The following LRRC4C variants were observed in gnomAD, a reference collection of about 807,000 sequenced individuals.
LRRC4C encodes the protein leucine-rich repeat-containing protein 4C.
In LRRC4C, 5 loss-of-function variants were observed where a neutral mutation model predicts 33.6. The observed-to-expected ratio is 0.15, with a 90% CI of 0.08 to 0.31. The LOEUF (loss-of-function observed/expected upper bound fraction) is 0.31, where lower values mean the gene tolerates loss of function less well. LRRC4C is among the 10% of genes least tolerant of loss of function. The probability of loss-of-function intolerance (pLI) is 1.00; values close to 1 mark genes in which losing one functional copy is unlikely to be tolerated. For missense variants in LRRC4C, 560 were observed against 796.7 expected, an observed-to-expected ratio of 0.70 and a Z score of 3.58; for synonymous variants, 329 against 302.0, an observed-to-expected ratio of 1.09 and a Z score of -0.93.
intron 1 of LRRC4C, among the ~76,000 whole-genome samples, chr11:41,265,385 T>G (rs1249597127): frequency 6.6e-6 from 1 of 152,064 alleles, no homozygotes; most frequent in Non-Finnish European, 1.5e-5. Flanking sequence ...TGGTGGCTGA[T>G]TGGTAAGATT....
intron 3 of LRRC4C, among the ~76,000 whole-genome samples, chr11:40,384,448 A>G (rs1175353235): frequency 1.3e-5 from 2 of 152,182 alleles, no homozygotes; most frequent in African/African-American, 2.4e-5. Flanking sequence ...TATTAACTCT[A>G]TTATATAGGT....
intron 1 of LRRC4C, among the ~76,000 whole-genome samples, chr11:40,975,346 T>C (rs1282039399): frequency 6.6e-6 from 1 of 152,216 alleles, no homozygotes; most frequent in South Asian, 2.1e-4. Flanking sequence ...ATTATCTAAC[T>C]ACTTATGGAT....
rs73475961 is a variant in LRRC4C at position 41,457,373 on chromosome 11, G to C, written c.-496+2058C>G. On this transcript the variant is annotated intron_variant, in intron 1 of 6. Transcript: ENST00000528697. ...CTGGGACTAGTTGCCAAAAGAAACA[G>C]GTTAATAAAGGGCTGACCAACTTAA... is the stretch of plus-strand genomic sequence containing the variant. 4.1e-3 allele frequency among the ~76,000 whole-genome samples: 626 copies of C among 152,210 alleles called. 3 individuals carry two copies. The highest frequency in any genetic ancestry group is 0.014 in the African/African-American group (596 of 41,562).
chr11:40,889,184 G>T (rs551861008), intron 2 of LRRC4C, among the ~76,000 whole-genome samples: 20 of 152,142 alleles, frequency 1.3e-4, no homozygotes, highest in African/African-American at 4.8e-4. Context: ...AGTTAGATAT[G>T]TTCAGGAATA....
chr11:41,436,127 C>A (rs1323931335), intron 1 of LRRC4C, among the ~76,000 whole-genome samples: 3 of 152,126 alleles, frequency 2.0e-5, no homozygotes, highest in Admixed American at 2.0e-4. Context: ...TGGCTTGAAC[C>A]CAGGAGGTGG....
rs534384317 is a variant in LRRC4C, at chr11:40,225,743, A to G, written c.-96+15776T>C. On this transcript the variant is annotated intron_variant, in intron 5 of 6. Coordinates refer to ENST00000528697, the MANE Select transcript of LRRC4C (RefSeq NM_001258419.2). ...GCAATTCTCCTGCCTCAGCCTCCCA[A>G]GTAGCTGGGATTATAGGTGCCCACC... 1.4e-3 allele frequency among the ~76,000 whole-genome samples: 213 copies of G among 151,960 alleles called. 2 individuals are homozygous for G. Among genetic ancestry groups the G allele is most frequent in the African/African-American group, 4.9e-3 (204 of 41,424 alleles).
At chr11:40,236,508 C>G (rs1865568997) in intron 5 of LRRC4C, among the ~76,000 whole-genome samples, 1 of 152,152 alleles carries the variant, frequency 6.6e-6, no homozygotes, top group Non-Finnish European at 1.5e-5. Context: ...CCTATACATT[C>G]CAGCACCCTC....
At chr11:40,402,438 C>A (rs1352495932) in intron 3 of LRRC4C, among the ~76,000 whole-genome samples, 1 of 152,102 alleles carries the variant, frequency 6.6e-6, no homozygotes, top group African/African-American at 2.4e-5. Flanking sequence ...AACTAAGACT[C>A]ATGACTACAG....
chr11:40,872,047 G>T (rs1454313417), intron 2 of LRRC4C, among the ~76,000 whole-genome samples: 1 of 152,152 alleles, frequency 6.6e-6, no homozygotes, highest in African/African-American at 2.4e-5. Context: ...CTGGACATGG[G>T]TGAGATAAGA....
At chr11:41,434,310 C>G (rs991501694) in intron 1 of LRRC4C, among the ~76,000 whole-genome samples, 1 of 152,016 alleles carries the variant, frequency 6.6e-6, no homozygotes, top group African/African-American at 2.4e-5. Context: ...CTGGGAATCT[C>G]TTTTTTTAAT....
chr11:40,659,693 C>T (rs928986854), intron 2 of LRRC4C, among the ~76,000 whole-genome samples: 1 of 152,156 alleles, frequency 6.6e-6, no homozygotes, highest in South Asian at 2.1e-4. Flanking sequence ...CACTACAGCT[C>T]TCCTCTCCAT....
At chr11:41,318,224 T>C (rs1950852823) in intron 1 of LRRC4C, among the ~76,000 whole-genome samples, 1 of 152,184 alleles carries the variant, frequency 6.6e-6, no homozygotes, top group African/African-American at 2.4e-5. Flanking sequence ...ATGTTTACAG[T>C]AGATATTTTT....
chr11:40,450,361 C>T (rs192854734), intron 3 of LRRC4C, among the ~76,000 whole-genome samples: 1 of 152,104 alleles, frequency 6.6e-6, no homozygotes, highest in East Asian at 1.9e-4. Context: ...CCTTCTAGAA[C>T]AGTAGGAGAA....
At chr11:40,980,010 G>A (rs1364824839) in intron 1 of LRRC4C, among the ~76,000 whole-genome samples, 1 of 152,042 alleles carries the variant, frequency 6.6e-6, no homozygotes, top group Non-Finnish European at 1.5e-5. Context: ...TAAATATCTC[G>A]ATCACAAAAG....
At chr11:40,877,653 C>T (rs775318849) in intron 2 of LRRC4C, among the ~76,000 whole-genome samples, 16 of 152,150 alleles carry the variant, frequency 1.1e-4, no homozygotes, top group Non-Finnish European at 2.1e-4. Flanking sequence ...CCGTAAAGGG[C>T]TTCTTAGATT....
At chr11:40,782,445 C>CT (rs201812921) in intron 2 of LRRC4C, among the ~76,000 whole-genome samples, 18,642 of 146,326 alleles carry the variant, frequency 0.13, 1,269 homozygotes, top group East Asian at 0.2. Flanking sequence ...TAATTGCATA[C>CT]TTTTTTTTTT....
At chr11:40,277,308 C>T (rs2136407206) in intron 4 of LRRC4C, among the ~76,000 whole-genome samples, 1 of 152,190 alleles carries the variant, frequency 6.6e-6, no homozygotes, top group South Asian at 2.1e-4. Flanking sequence ...TTATTTGTGG[C>T]AATCTCAAAG....
At chr11:40,821,062 T>A (rs1165993881) in intron 2 of LRRC4C, among the ~76,000 whole-genome samples, 1 of 151,706 alleles carries the variant, frequency 6.6e-6, no homozygotes, top group Non-Finnish European at 1.5e-5. Context: ...CACAATATAT[T>A]TTAAAAGAAA....
intron 3 of LRRC4C, among the ~76,000 whole-genome samples, chr11:40,646,296 A>G (rs889636579): frequency 6.6e-6 from 1 of 152,222 alleles, no homozygotes; most frequent in Non-Finnish European, 1.5e-5. Flanking sequence ...AAATGAATAG[A>G]CATTCAGGGA....
Sources: gnomAD v4.1 joint callset for allele counts (sites outside exome capture counted in the v4.1 genomes callset) on GRCh38, gnomAD v4.1.1 for gene constraint, MANE v1.5 for transcripts, NCBI Gene and HGNC (gene_info 2026-07-23, HGNC 2026-07-21) for gene names.